Variants in BPNT2 observed in about 807,000 individuals in gnomAD.
BPNT2 encodes the protein Golgi-resident adenosine 3',5'-bisphosphate 3'-phosphatase.
Under a neutral mutation model 29.3 loss-of-function variants are expected in BPNT2, and 11 were observed. The observed-to-expected ratio is 0.38, with a 90% CI of 0.24 to 0.62. The LOEUF (loss-of-function observed/expected upper bound fraction) is 0.62. Ranked by LOEUF, BPNT2 falls within the 20% of genes least tolerant of loss-of-function variation. The pLI is 0.62. For synonymous variants in BPNT2, 195 were observed against 187.7 expected (o/e 1.04, Z -0.32); for missense variants, 459 against 473.4 (o/e 0.97, Z 0.28).
At chr8:56,986,603 T>C (rs1010383667) in intron 1 of BPNT2, among the ~76,000 whole-genome samples, 3 of 152,156 alleles carry the variant, frequency 2.0e-5, no homozygotes, top group African/African-American at 4.8e-5. Context: ...AAGTTGAAAA[T>C]ATCTGAAGTC....
chr8:56,960,934 C>T lies in BPNT2; in HGVS notation c.*2859G>A, dbSNP rs1320566870. On this transcript the variant is annotated 3_prime_UTR_variant, in exon 5 of 5. Transcript: ENST00000262644. ...AGCTTCAGATTTCAGCAGCCAATATCCAGAAAAATGTATATCTAAAAGAAT... is the reference window on the plus strand; with the variant it reads ...AGCTTCAGATTTCAGCAGCCAATATTCAGAAAAATGTATATCTAAAAGAAT... 1 of 151,966 alleles carries T rather than the reference C, an allele frequency of 6.6e-6. No individual in the cohort carries two copies. Among genetic ancestry groups the T allele is most frequent in the Non-Finnish European group, 1.5e-5 (1 of 68,024 alleles). The allele number at this position is 151,966 out of a possible 1,614,324, so 9.4% of individuals were successfully genotyped here. A position where few individuals can be genotyped will look rare whatever the true frequency, so the allele number is the denominator to read the frequency against.
At chr8:56,969,520 T>A (rs56922495) in intron 3 of BPNT2, among the ~76,000 whole-genome samples, 10,184 of 152,140 alleles carry the variant, frequency 0.067, 558 homozygotes, top group East Asian at 0.27. Context: ...CATACTTGGC[T>A]GATAAAAGTT....
chr8:56,986,573 G>A lies in BPNT2; in HGVS notation c.388-6376C>T, dbSNP rs186901954. Among the ~76,000 whole-genome samples the A allele has an allele frequency of 7.2e-5, 11 of 152,288 alleles. 1 individual carries two copies. The highest frequency in any genetic ancestry group is 1.5e-5 in the Non-Finnish European group (1 of 68,022). On this transcript the variant is annotated intron_variant, in intron 1 of 4. Coordinates refer to ENST00000262644, the MANE Select transcript of BPNT2 (RefSeq NM_017813.5). Reference sequence around the variant, plus strand: ...CGTCCTGATAAACCCATTGTGAATTGAGAAGCATTTGTACTGCATAAGTTG... The same window carrying A: ...CGTCCTGATAAACCCATTGTGAATTAAGAAGCATTTGTACTGCATAAGTTG...
At chr8:56,986,542 G>C (rs1806328803) in intron 1 of BPNT2, among the ~76,000 whole-genome samples, 1 of 152,136 alleles carries the variant, frequency 6.6e-6, no homozygotes, top group African/African-American at 2.4e-5. Context: ...ACTTACAATG[G>C]GGTTACGTCC....
At chr8:56,973,363 T>C (rs774451852) in intron 3 of BPNT2, among the ~76,000 whole-genome samples, 2 of 152,118 alleles carry the variant, frequency 1.3e-5, no homozygotes, top group South Asian at 2.1e-4. Flanking sequence ...ATACCAATAG[T>C]AGAGAACCCT....
Position 56,993,229 on chromosome 8 carries a change from G to A in BPNT2, c.357C>T (p.Tyr119=). ...GDVLSNRKMF[Y]LLKTAFPSVQ... Reference sequence around the variant, plus strand: ...CGCTGGGGAAGGCGGTCTTGAGCAGGTAGAACATCTTGCGGTTGGACAGCA... The same window carrying A: ...CGCTGGGGAAGGCGGTCTTGAGCAGATAGAACATCTTGCGGTTGGACAGCA... The change falls in exon 1 of 5, where the codon TAC becomes TAT. Residue 119 remains tyrosine, a synonymous_variant. Coordinates refer to ENST00000262644, the MANE Select transcript of BPNT2 (RefSeq NM_017813.5). 1 of 1,605,326 alleles carries A rather than the reference G, an allele frequency of 6.2e-7. No homozygotes were observed. Among genetic ancestry groups the A allele is most frequent in the South Asian group, 1.1e-5 (1 of 90,958 alleles).
chr8:56,967,703 G>C (rs1416809653), intron 3 of BPNT2, among the ~76,000 whole-genome samples: 1 of 152,182 alleles, frequency 6.6e-6, no homozygotes, highest in Non-Finnish European at 1.5e-5. Context: ...GTGGCAGCAA[G>C]GGAGGGGATG....
chr8:56,968,980 G>A (rs1330110835), intron 3 of BPNT2, among the ~76,000 whole-genome samples: 1 of 152,152 alleles, frequency 6.6e-6, no homozygotes, highest in Non-Finnish European at 1.5e-5. Context: ...CTTATAAGCA[G>A]GGGAGACAGA....
chr8:56,971,789 C>CT (rs1554539103), intron 3 of BPNT2, among the ~76,000 whole-genome samples: 1 of 142,124 alleles, frequency 7.0e-6, no homozygotes, highest in African/African-American at 2.8e-5. Flanking sequence ...ACCACCCCCC[C>CT]CCCCACAATG....
At chr8:56,972,330 C>T (rs1416097040) in intron 3 of BPNT2, among the ~76,000 whole-genome samples, 4 of 151,028 alleles carry the variant, frequency 2.6e-5, no homozygotes, top group Non-Finnish European at 4.4e-5. Context: ...CATGACATTA[C>T]AAGAAAAAGT....
intron 2 of BPNT2, among the ~76,000 whole-genome samples, chr8:56,978,861 G>A (rs1348792642): frequency 1.3e-5 from 2 of 152,102 alleles, no homozygotes; most frequent in Non-Finnish European, 2.9e-5. Context: ...GACACATAGA[G>A]GGGAACACCA....
In BPNT2 at chr8:56,959,184, C is replaced by T. The variant is rs1805786707; in HGVS notation, c.*4609G>A. 6.6e-6 allele frequency: 1 copy of T among 152,170 alleles called. No homozygotes were observed. The highest frequency in any genetic ancestry group is 1.5e-5 in the Non-Finnish European group (1 of 68,026). 9.4% of individuals were successfully genotyped at this position (152,170 alleles called of 1,614,324 possible). On this transcript the variant is annotated 3_prime_UTR_variant, in exon 5 of 5. Transcript: ENST00000262644. ...AACAAGTCATTTCAATATTATTCAT[C>T]ATCCTTAACTTCTGAAAGTTTGGTT...
chr8:56,990,948 T>C (rs1396716077), intron 1 of BPNT2, among the ~76,000 whole-genome samples: 1 of 152,236 alleles, frequency 6.6e-6, no homozygotes, highest in African/African-American at 2.4e-5. Context: ...TGCTTCTCAA[T>C]GGTCTTTTTC....
intron 4 of BPNT2, among the ~76,000 whole-genome samples, chr8:56,965,960 T>C (rs1805940267): frequency 6.6e-6 from 1 of 152,142 alleles, no homozygotes; most frequent in Non-Finnish European, 1.5e-5. Flanking sequence ...TATGCTTTTG[T>C]GTATTCAAGA....
chr8:56,981,377 C>T (rs775999120), intron 1 of BPNT2, among the ~76,000 whole-genome samples: 26 of 152,120 alleles, frequency 1.7e-4, no homozygotes, highest in Non-Finnish European at 3.1e-4. Context: ...CCATCCTGGC[C>T]GACATGGTAA....
intron 1 of BPNT2, among the ~76,000 whole-genome samples, chr8:56,992,022 T>C (rs192233725): frequency 6.6e-6 from 1 of 151,732 alleles, no homozygotes; most frequent in Admixed American, 6.6e-5. Context: ...TGTTAGGAAA[T>C]ACAATGTTCC....
intron 4 of BPNT2, among the ~76,000 whole-genome samples, chr8:56,965,864 T>C (rs1263146506): frequency 1.3e-5 from 2 of 152,126 alleles, no homozygotes; most frequent in African/African-American, 4.8e-5. Context: ...TCTTTCTTCC[T>C]CTCCTTGATA....
chr8:56,986,155 T>C (rs1318139961), intron 1 of BPNT2, among the ~76,000 whole-genome samples: 3 of 152,168 alleles, frequency 2.0e-5, no homozygotes, highest in African/African-American at 4.8e-5. Flanking sequence ...TACTCCTAAG[T>C]AGTTTAAGAG....
At chr8:56,978,270 A>C in intron 2 of BPNT2, 125 bp from the exon 3 acceptor site, 3 of 721,720 alleles carry the variant, frequency 4.2e-6, no homozygotes, top group East Asian at 2.7e-5. Flanking sequence ...CAAAACAACA[A>C]TCCCTTCAAG....
Sources: allele counts gnomAD v4.1 joint callset (sites outside exome capture counted in the v4.1 genomes callset), GRCh38; gene constraint gnomAD v4.1.1; transcripts MANE v1.5; gene names NCBI Gene and HGNC (gene_info 2026-07-23, HGNC 2026-07-21).